The following CREBBP variants were observed in gnomAD, a reference collection of about 807,000 sequenced individuals.
The protein encoded by CREBBP is CREB binding lysine acetyltransferase.
A neutral mutation model predicts 265.0 loss-of-function variants in CREBBP; 19 were observed. That is an observed-to-expected ratio of 0.07 (90% CI 0.05 to 0.11). CREBBP has a LOEUF of 0.11. Among genes scored for constraint, CREBBP ranks in the 10% least tolerant of loss-of-function variants. The probability of loss-of-function intolerance (pLI) is 1.00; values close to 1 mark genes in which losing one functional copy is unlikely to be tolerated. For synonymous variants in CREBBP, 1,457 were observed against 1,223.7 expected (o/e 1.19, Z -3.98); for missense variants, 2,525 against 3,219.0 (o/e 0.78, Z 5.22).
intron 16 of CREBBP, among the ~76,000 whole-genome samples, chr16:3,763,844 C>CTTT (rs763039340): frequency 7.4e-6 from 1 of 134,344 alleles, no homozygotes; most frequent in Non-Finnish European, 1.6e-5. Flanking sequence ...AAAAAGCAAT[C>CTTT]TTTTTTTTTT....
In CREBBP at chr16:3,761,555, A is replaced by C. The variant is rs886528; in HGVS notation, c.3251-2583T>G. 7.7e-6 allele frequency: 4 copies of C among 518,056 alleles called. No homozygotes were observed. The African/African-American group carries it at 7.7e-5, about 10-fold the overall frequency. The allele number at this position is 518,056 out of a possible 1,614,324, so 32.1% of individuals were successfully genotyped here. On this transcript the variant is annotated intron_variant, in intron 16 of 30. Transcript: ENST00000262367. ...CATGCCTCAGGGCTCATTTCCATCA[A>C]AGCCCAGGATACAGACTCTTGACCA...
At chr16:3,752,128 C>T (rs1266439702) in intron 19 of CREBBP, among the ~76,000 whole-genome samples, 4 of 152,130 alleles carry the variant, frequency 2.6e-5, no homozygotes, top group Admixed American at 1.3e-4. Flanking sequence ...TCACTAACAA[C>T]GACAGGCTCG....
intron 2 of CREBBP, among the ~76,000 whole-genome samples, chr16:3,816,555 G>C (rs911640228): frequency 1.3e-5 from 2 of 152,160 alleles, no homozygotes; most frequent in African/African-American, 4.8e-5. Flanking sequence ...ATTAAATCCT[G>C]TGGCTGCGGG....
intron 11 of CREBBP, among the ~76,000 whole-genome samples, chr16:3,775,654 CCTT>C (rs1355461248): frequency 6.6e-6 from 1 of 152,186 alleles, no homozygotes; most frequent in Admixed American, 6.5e-5. Flanking sequence ...CTTCCCCACT[CCTT>C]GAGAATTTTT....
intron 3 of CREBBP, among the ~76,000 whole-genome samples, chr16:3,801,346 AAAGT>A (rs1447197084): frequency 2.0e-5 from 3 of 152,198 alleles, no homozygotes; most frequent in Non-Finnish European, 4.4e-5. Flanking sequence ...AATGCTCATC[AAAGT>A]AAGATGACAT....
Position 3,842,967 on chromosome 16 carries a change from C to CAAAAAA in CREBBP, c.798+7324_798+7329dup, listed in dbSNP as rs59990532. Among the ~76,000 whole-genome samples the CAAAAAA allele has an allele frequency of 2.2e-3, 142 of 65,204 alleles. 1 individual carries two copies. Among genetic ancestry groups the CAAAAAA allele is most frequent in the African/African-American group, 7.3e-3 (114 of 15,676 alleles). 42.8% of individuals were successfully genotyped at this position (65,204 alleles called of 152,430 possible). On this transcript the variant is annotated intron_variant, in intron 2 of 30. Coordinates refer to ENST00000262367, the MANE Select transcript of CREBBP (RefSeq NM_004380.3). Reference sequence around the variant, plus strand: ...GGCAAAAAGAGCGAAACTCCCATCTCAAAAAAAAAAAAAAAAAAAAAAAAA... The same window carrying CAAAAAA: ...GGCAAAAAGAGCGAAACTCCCATCTCAAAAAAAAAAAAAAAAAAAAAAAAAAAAAAA...
rs1054695484 is a variant in CREBBP, at chr16:3,725,484, G to A, written c.*2234C>T. 2 of 233,156 alleles carry A rather than the reference G, an allele frequency of 8.6e-6. No individual in the cohort carries two copies. Among genetic ancestry groups the A allele is most frequent in the Non-Finnish European group, 1.7e-5 (2 of 118,020 alleles). 14.4% of individuals were successfully genotyped at this position (233,156 alleles called of 1,614,324 possible). A position where few individuals can be genotyped will look rare whatever the true frequency, so the allele number is the denominator to read the frequency against. ...TTCTTGTTTGAACACATGGCTCAAG[G>A]TTTCCCTACGGGTGGAAAAGATGAA... On this transcript the variant is annotated 3_prime_UTR_variant, in exon 31 of 31. Coordinates refer to ENST00000262367, the MANE Select transcript of CREBBP (RefSeq NM_004380.3).
At position 3,769,359 on chromosome 16, in the gene CREBBP, A is replaced by G. The variant is rs2141192989; in HGVS notation, c.2881-6T>C. ...CTGGCTGCTGCCTGGGAAAGCTGTG[A>G]AAAAACCGAAAGCACTGACTTCAGT... On this transcript the variant is annotated splice_region_variant and splice_polypyrimidine_tract_variant and intron_variant, in intron 14 of 30. Coordinates refer to ENST00000262367, the MANE Select transcript of CREBBP (RefSeq NM_004380.3). 1 of 1,614,186 alleles carries G rather than the reference A, an allele frequency of 6.2e-7. No homozygotes were observed. Among genetic ancestry groups the G allele is most frequent in the Non-Finnish European group, 8.5e-7 (1 of 1,180,030 alleles).
At chr16:3,778,309 C>T (rs931347307) in intron 9 of CREBBP, 127 bp from the exon 10 acceptor site, 10 of 754,562 alleles carry the variant, frequency 1.3e-5, no homozygotes, top group African/African-American at 1.2e-4. Context: ...ATGCAAATAC[C>T]TGATACACCA....
chr16:3,762,220 C>T (rs527246040), intron 16 of CREBBP, among the ~76,000 whole-genome samples: 21 of 152,138 alleles, frequency 1.4e-4, no homozygotes, highest in Non-Finnish European at 1.6e-4. Context: ...GGCCTCTGCA[C>T]GGAGAAGGCC....
Position 3,879,943 on chromosome 16 carries a change from G to A in CREBBP, c.-27C>T, listed in dbSNP as rs770230478. ...TTCACCTGCTCGCGAAAACAGCCCC[G>A]GGCACGGGCGGCCGGGCCGGCGAGG... On this transcript the variant is annotated 5_prime_UTR_variant, in exon 1 of 31. Coordinates refer to ENST00000262367, the MANE Select transcript of CREBBP (RefSeq NM_004380.3). The A allele has an allele frequency of 6.2e-7, 1 of 1,601,448 alleles. No individual in the cohort carries two copies. The highest frequency in any genetic ancestry group is 1.3e-5 in the African/African-American group (1 of 74,374).
chr16:3,751,648 T>A (rs129982), intron 20 of CREBBP, 78 bp downstream of exon 20: 20 of 1,410,538 alleles, frequency 1.4e-5, no homozygotes, highest in Non-Finnish European at 2.0e-5. Context: ...GTACCTTCCT[T>A]ATAGTCATTG....
intron 23 of CREBBP, chr16:3,742,256 A>C (rs889273556): frequency 7.2e-5 from 11 of 152,182 alleles, no homozygotes; most frequent in African/African-American, 2.7e-4. Flanking sequence ...ACTGCGGTGC[A>C]CTCTGCGCAA....
At chr16:3,766,107 C>G (rs2052846035) in intron 16 of CREBBP, among the ~76,000 whole-genome samples, 4 of 151,868 alleles carry the variant, frequency 2.6e-5, no homozygotes, top group Admixed American at 1.3e-4. Context: ...ATCTGCAGAA[C>G]TTAAGTGTCA....
intron 3 of CREBBP, among the ~76,000 whole-genome samples, chr16:3,804,267 C>A (rs2053784041): frequency 6.6e-6 from 1 of 152,090 alleles, no homozygotes; most frequent in South Asian, 2.1e-4. Context: ...TTAGAATACT[C>A]TTCTTGAATA....
At chr16:3,788,147 C>G (rs183869177) in intron 5 of CREBBP, among the ~76,000 whole-genome samples, 2 of 152,316 alleles carry the variant, frequency 1.3e-5, no homozygotes, top group African/African-American at 4.8e-5. Context: ...TGCACACTTG[C>G]TTCAACAGTC....
intron 3 of CREBBP, among the ~76,000 whole-genome samples, chr16:3,795,230 T>C (rs961959174): frequency 2.0e-5 from 3 of 150,558 alleles, no homozygotes; most frequent in Admixed American, 6.6e-5. Context: ...TAAGAGAAAA[T>C]AGCCTCTTAT....
At position 3,767,779 on chromosome 16, in the gene CREBBP, T is replaced by C. The variant is rs2141182060; in HGVS notation, c.3191A>G (p.Glu1064Gly). 6 of 1,614,250 alleles carry C rather than the reference T, an allele frequency of 3.7e-6. No homozygotes were observed. The highest frequency in any genetic ancestry group is 5.1e-6 in the Non-Finnish European group (6 of 1,180,038). Residue 1064 changes from glutamate (E) to glycine (G), a missense_variant, in exon 16 of 31, where the codon GAG becomes GGG. Transcript: ENST00000262367. The stretch of plus-strand genomic sequence containing the variant: ...AGAGGCTGTGCCGTTACTGCTACTC[T>C]CTTCTTCCTCTTTAACTTCTACTTT... Reference protein sequence around the residue: ...EVKVEVKEEEESSSNGTASQS... With the variant: ...EVKVEVKEEEGSSSNGTASQS...
At chr16:3,786,567 G>A (rs1167796917) in intron 5 of CREBBP, among the ~76,000 whole-genome samples, 1 of 152,210 alleles carries the variant, frequency 6.6e-6, no homozygotes, top group African/African-American at 2.4e-5. Context: ...CCATGAAGCA[G>A]AGCAGTAGTT....
Sources: gnomAD v4.1 joint callset for allele counts (sites outside exome capture counted in the v4.1 genomes callset) on GRCh38, gnomAD v4.1.1 for gene constraint, MANE v1.5 for transcripts, NCBI Gene and HGNC (gene_info 2026-07-23, HGNC 2026-07-21) for gene names.